The following ABCC11 variants were observed in gnomAD, a reference collection of about 807,000 sequenced individuals.
The protein encoded by ABCC11 is ATP-binding cassette sub-family C member 11.
A neutral mutation model predicts 149.3 loss-of-function variants in ABCC11; 135 were observed. The observed-to-expected ratio is 0.90, with a 90% CI of 0.79 to 1.04. ABCC11 has a LOEUF of 1.04. Ranked by LOEUF, ABCC11 falls within the 50% of genes least tolerant of loss-of-function variation. ABCC11 has a pLI of 0.00. For missense variants in ABCC11, 1,680 were observed against 1,722.1 expected, an observed-to-expected ratio of 0.98 and a Z score of 0.43; for synonymous variants, 665 against 671.4, an observed-to-expected ratio of 0.99 and a Z score of 0.15.
At chr16:48,227,437 C>T (rs894128929) in intron 4 of ABCC11, among the ~76,000 whole-genome samples, 3 of 148,000 alleles carry the variant, frequency 2.0e-5, no homozygotes, top group Admixed American at 1.4e-4. Flanking sequence ...TTGCACCACG[C>T]TGCACTCCAG....
intron 1 of ABCC11, among the ~76,000 whole-genome samples, chr16:48,243,381 G>T (rs1971107827): frequency 7.2e-6 from 1 of 137,990 alleles, no homozygotes; most frequent in East Asian, 2.2e-4. Context: ...CAGCCTGGGT[G>T]ACAGAGCGAG....
chr16:48,243,674 A>G (rs1186142228), intron 1 of ABCC11, among the ~76,000 whole-genome samples: 2 of 152,080 alleles, frequency 1.3e-5, no homozygotes, highest in African/African-American at 4.8e-5. Flanking sequence ...GTATATAGGA[A>G]CTCTGCTGTA....
At chr16:48,210,919 G>T in intron 11 of ABCC11, 29 bp downstream of exon 11, 1 of 1,606,044 alleles carries the variant, frequency 6.2e-7, no homozygotes, top group Non-Finnish European at 8.5e-7. Context: ...CTGGCAGCTG[G>T]CCTGCCTGCG....
At chr16:48,184,078 G>A (rs1966608998) in intron 23 of ABCC11, among the ~76,000 whole-genome samples, 1 of 152,218 alleles carries the variant, frequency 6.6e-6, no homozygotes, top group Non-Finnish European at 1.5e-5. Flanking sequence ...AGAGATCAGT[G>A]TTCTCGTTCC....
intron 20 of ABCC11, among the ~76,000 whole-genome samples, chr16:48,191,553 AT>A (rs1341264650): frequency 6.6e-6 from 1 of 152,140 alleles, no homozygotes. Context: ...TTTCATCTCA[AT>A]TTTTCTGTAA....
chr16:48,195,594 T>C (rs1188361613), intron 18 of ABCC11, among the ~76,000 whole-genome samples: 1 of 152,260 alleles, frequency 6.6e-6, no homozygotes, highest in Non-Finnish European at 1.5e-5. Flanking sequence ...CTGAGTTTTG[T>C]GTTTACAACA....
intron 14 of ABCC11, among the ~76,000 whole-genome samples, chr16:48,201,266 A>T (rs1292378325): frequency 2.0e-5 from 3 of 151,942 alleles, no homozygotes; most frequent in Non-Finnish European, 4.4e-5. Flanking sequence ...TGTCTCACAT[A>T]TTATTCTGGT....
intron 7 of ABCC11, 92 bp from the exon 8 acceptor site, chr16:48,215,436 T>G: frequency 7.1e-7 from 1 of 1,414,254 alleles, no homozygotes; most frequent in Non-Finnish European, 9.7e-7. Flanking sequence ...GTAGGGCAAC[T>G]GGGTGTATTT....
chr16:48,204,575 A>G (rs958877560), intron 13 of ABCC11, among the ~76,000 whole-genome samples: 3 of 152,172 alleles, frequency 2.0e-5, no homozygotes, highest in Admixed American at 6.5e-5. Flanking sequence ...ACAATTTGGG[A>G]AAAGAAGCCA....
chr16:48,199,649 T>G (rs1967757196), intron 15 of ABCC11, among the ~76,000 whole-genome samples: 1 of 150,280 alleles, frequency 6.7e-6, no homozygotes. Flanking sequence ...TGGTTTCTTT[T>G]TCTTTTCTTT....
intron 1 of ABCC11, chr16:48,244,331 C>G (rs111517081): frequency 6.1e-6 from 8 of 1,300,910 alleles, no homozygotes; most frequent in East Asian, 2.9e-5. Flanking sequence ...CGGGGCAGGC[C>G]GGGGGCAGCT....
At chr16:48,247,152 C>T (rs73555651) in intron 1 of ABCC11, among the ~76,000 whole-genome samples, 162 bp downstream of exon 1, 1 of 149,106 alleles carries the variant, frequency 6.7e-6, no homozygotes, top group Non-Finnish European at 1.5e-5. Flanking sequence ...AAGATTGTAC[C>T]ATATTCCTTG....
Position 48,200,459 on chromosome 16 carries a change from G to A in ABCC11, c.1899C>T (p.Asn633=). The A allele has an allele frequency of 6.2e-7, 1 of 1,614,158 alleles. No homozygotes were observed. Among genetic ancestry groups the A allele is most frequent in the Admixed American group, 1.7e-5 (1 of 60,018 alleles). The change falls in exon 15 of 30, where the codon AAC becomes AAT. Residue 633 remains asparagine, a synonymous_variant. Transcript: ENST00000356608. The stretch of plus-strand genomic sequence containing the variant: ...TCCTCTGTTTCTGCCCCCCAGAGAG[G>A]TTGAGGCCCCGCTCTCCAATCTGCA... ...DMTEIGERGL[N]LSGGQKQRIS...
intron 15 of ABCC11, 101 bp from the exon 16 acceptor site, chr16:48,198,376 T>A (rs1300371299): frequency 2.4e-6 from 3 of 1,269,940 alleles, no homozygotes; most frequent in East Asian, 4.9e-5. Context: ...GATAAAATAT[T>A]ATTTCATACC....
intron 3 of ABCC11, among the ~76,000 whole-genome samples, chr16:48,229,700 A>T (rs1476997850): frequency 6.6e-6 from 1 of 151,848 alleles, no homozygotes; most frequent in Non-Finnish European, 1.5e-5. Context: ...TCCTGACCTC[A>T]TGATCCACCC....
intron 6 of ABCC11, among the ~76,000 whole-genome samples, chr16:48,221,312 G>A (rs918193016): frequency 2.6e-5 from 4 of 152,088 alleles, no homozygotes; most frequent in Non-Finnish European, 5.9e-5. Flanking sequence ...CACAACCCTC[G>A]AGGCAATTGG....
intron 18 of ABCC11, among the ~76,000 whole-genome samples, chr16:48,196,031 A>G (rs1159347463): frequency 6.6e-6 from 1 of 152,196 alleles, no homozygotes; most frequent in Non-Finnish European, 1.5e-5. Context: ...ATGAGTATAC[A>G]TGAAAATATA....
intron 23 of ABCC11, among the ~76,000 whole-genome samples, chr16:48,182,379 T>C (rs1966493325): frequency 6.6e-6 from 1 of 152,092 alleles, no homozygotes; most frequent in African/African-American, 2.4e-5. Flanking sequence ...ACAGCTGGGC[T>C]GACTGGGAGC....
At chr16:48,179,281 A>G (rs181540712) in intron 23 of ABCC11, among the ~76,000 whole-genome samples, 112 of 152,294 alleles carry the variant, frequency 7.4e-4, no homozygotes, top group African/African-American at 2.5e-3. Context: ...CCTGCACCCA[A>G]GTTCCTTTCT....
Sources: allele counts gnomAD v4.1 joint callset (sites outside exome capture counted in the v4.1 genomes callset), GRCh38; gene constraint gnomAD v4.1.1; transcripts MANE v1.5; gene names NCBI Gene and HGNC (gene_info 2026-07-23, HGNC 2026-07-21).